BTBD3: variants seen among roughly 807,000 people sequenced by gnomAD.
The protein encoded by BTBD3 is BTB/POZ domain-containing protein 3.
BTBD3 carries 14 observed loss-of-function variants against 41.6 expected under a neutral mutation model. That is an observed-to-expected ratio of 0.34 (90% CI 0.22 to 0.53). BTBD3 has a LOEUF of 0.53. Among genes scored for constraint, BTBD3 ranks in the 20% least tolerant of loss-of-function variants. The pLI is 0.95. For missense variants in BTBD3, 426 were observed against 654.7 expected (o/e 0.65, Z 3.81); for synonymous variants, 249 against 233.7 (o/e 1.07, Z -0.60).
intron 1 of BTBD3, 40 bp downstream of exon 1, chr20:11,918,641 T>G (rs747316328): frequency 2.0e-6 from 3 of 1,519,982 alleles, no homozygotes; most frequent in Non-Finnish European, 2.6e-6. Flanking sequence ...AAAGTTTTCC[T>G]GTGTTGAAGT....
Position 11,919,169 on chromosome 20 carries a change from G to A in BTBD3, c.410G>A (p.Gly137Glu). The stretch of plus-strand genomic sequence containing the variant: ...CCAGGTGGGACTCAACGGTTGCCAG[G>A]ACACAAAGTAAGCAACAGCTGCATG... ...GPPGGTQRLPGHKYVLAVGSS... is the reference protein window; with the variant it reads ...GPPGGTQRLPEHKYVLAVGSS... The change falls in exon 2 of 4, where the codon GGA (glycine) becomes GAA (glutamate). Residue 137 changes from glycine (G) to glutamate (E), a missense_variant. This residue lies in a region of BTBD3 where 321 missense variants were observed against 534.8 expected (regional missense o/e 0.60). Transcript: ENST00000378226. 1 of 1,613,470 alleles carries A rather than the reference G, an allele frequency of 6.2e-7. No individual in the cohort carries two copies. The highest frequency in any genetic ancestry group is 8.5e-7 in the Non-Finnish European group (1 of 1,179,638).
At chr20:11,891,099 C>T (rs1205890500) in intron 1 of BTBD3, 15 of 503,044 alleles carry the variant, frequency 3.0e-5, no homozygotes, top group Non-Finnish European at 3.3e-5. Flanking sequence ...GCAGGTCGGC[C>T]TCGGACCCAC....
At chr20:11,906,802 C>T (rs1017849076) in intron 1 of BTBD3, among the ~76,000 whole-genome samples, 2 of 152,088 alleles carry the variant, frequency 1.3e-5, no homozygotes, top group Non-Finnish European at 2.9e-5. Context: ...TTTCCTACTG[C>T]CCTATACACA....
chr20:11,897,014 T>C (rs375772828), intron 1 of BTBD3, among the ~76,000 whole-genome samples: 1 of 152,204 alleles, frequency 6.6e-6, no homozygotes, highest in Non-Finnish European at 1.5e-5. Flanking sequence ...TTTTTTAATA[T>C]TCTTCCTTCA....
chr20:11,890,994 G>C, intron 1 of BTBD3: 1 of 981,246 alleles, frequency 1.0e-6, no homozygotes, highest in Non-Finnish European at 1.2e-6. Context: ...CGGCGCCTCC[G>C]CGCGTGCGCA....
intron 3 of BTBD3, among the ~76,000 whole-genome samples, chr20:11,920,817 A>C (rs986643868): frequency 4.6e-5 from 7 of 152,222 alleles, no homozygotes; most frequent in Non-Finnish European, 7.3e-5. Context: ...GTACTCCTAC[A>C]TATAGTTAAA....
At chr20:11,920,495 T>TA (rs1175368790) in intron 3 of BTBD3, among the ~76,000 whole-genome samples, 1 of 152,190 alleles carries the variant, frequency 6.6e-6, no homozygotes, top group Non-Finnish European at 1.5e-5. Context: ...GTATGAAACT[T>TA]AAAGATACGT....
intron 1 of BTBD3, among the ~76,000 whole-genome samples, chr20:11,899,244 A>G (rs1192780459): frequency 6.6e-6 from 1 of 152,136 alleles, no homozygotes; most frequent in Non-Finnish European, 1.5e-5. Context: ...GGATGCACGT[A>G]ATTGAACCTT....
intron 3 of BTBD3, among the ~76,000 whole-genome samples, chr20:11,921,181 G>GT (rs2122319949): frequency 6.6e-6 from 1 of 152,316 alleles, no homozygotes; most frequent in South Asian, 2.1e-4. Flanking sequence ...CTGCAGTCAA[G>GT]TAGGATGTTG....
chr20:11,919,256 G>T, intron 2 of BTBD3, 80 bp downstream of exon 2: 1 of 1,429,678 alleles, frequency 7.0e-7, no homozygotes, highest in South Asian at 1.3e-5. Context: ...ACTTGGTGTG[G>T]GCAGCTTGCC....
chr20:11,920,432 TC>T (rs2056960569), intron 3 of BTBD3, among the ~76,000 whole-genome samples: 2 of 152,216 alleles, frequency 1.3e-5, no homozygotes, highest in East Asian at 3.8e-4. Flanking sequence ...ATGGATAGTC[TC>T]GTACAGTTTC....
chr20:11,893,521 T>C (rs1393142080), intron 1 of BTBD3, among the ~76,000 whole-genome samples: 6 of 152,210 alleles, frequency 3.9e-5, no homozygotes, highest in East Asian at 1.9e-4. Flanking sequence ...CATTTAAAAA[T>C]TACCTTTAAG....
chr20:11,918,615 T>TA lies in BTBD3; in HGVS notation c.326+15dup. On this transcript the variant is annotated intron_variant, in intron 1 of 3. Transcript: ENST00000378226. ...CATTAGAGAGAGGTAAGTGCCGCGC[T>TA]AGTCTATTTACTTTAAAAGTTTTCC... 1 of 1,554,708 alleles carries TA rather than the reference T, an allele frequency of 6.4e-7. No individual in the cohort carries two copies. Among genetic ancestry groups the TA allele is most frequent in the East Asian group, 2.2e-5 (1 of 44,454 alleles).
chr20:11,913,818 T>C (rs2056903067), upstream of BTBD3: 1 of 152,228 alleles, frequency 6.6e-6, no homozygotes, highest in African/African-American at 2.4e-5. Context: ...AAAAGGATGA[T>C]CTAAGTGAGC....
At chr20:11,911,372 A>T (rs989506545) in intron 1 of BTBD3, among the ~76,000 whole-genome samples, 23 of 152,226 alleles carry the variant, frequency 1.5e-4, no homozygotes, top group African/African-American at 5.5e-4. Context: ...GGCAAATATT[A>T]TACAGATTTT....
At chr20:11,921,124 T>C (rs2056966887) in intron 3 of BTBD3, among the ~76,000 whole-genome samples, 1 of 152,246 alleles carries the variant, frequency 6.6e-6, no homozygotes, top group South Asian at 2.1e-4. Context: ...TATAGTGTTT[T>C]CTGTTGCTGA....
intron 1 of BTBD3, among the ~76,000 whole-genome samples, chr20:11,901,286 C>T (rs1220597723): frequency 2.6e-5 from 4 of 152,210 alleles, no homozygotes; most frequent in Non-Finnish European, 5.9e-5. Flanking sequence ...TTCCAGAGTG[C>T]TCTGTCTCTT....
At chr20:11,908,820 A>C (rs1455576454) in intron 1 of BTBD3, among the ~76,000 whole-genome samples, 1 of 152,110 alleles carries the variant, frequency 6.6e-6, no homozygotes, top group Non-Finnish European at 1.5e-5. Flanking sequence ...TCCTGCAGCA[A>C]ATGGTGGTAG....
At chr20:11,896,804 G>A (rs1354988468) in intron 1 of BTBD3, among the ~76,000 whole-genome samples, 2 of 152,158 alleles carry the variant, frequency 1.3e-5, no homozygotes, top group East Asian at 3.9e-4. Flanking sequence ...TTTCCTTATG[G>A]ATGGTTCTTC....
Sources: allele counts gnomAD v4.1 joint callset (sites outside exome capture counted in the v4.1 genomes callset), GRCh38; gene constraint gnomAD v4.1.1; regional missense constraint gnomAD v4.1.1; transcripts MANE v1.5; gene names NCBI Gene and HGNC (gene_info 2026-07-23, HGNC 2026-07-21).